SMARCA2: variants seen among roughly 807,000 people sequenced by gnomAD.
SMARCA2 encodes SWI/SNF related BAF chromatin remodeling complex subunit ATPase 2, also known as SWI/SNF-related matrix-associated actin-dependent regulator of chromatin subfamily A member 2.
Under a neutral mutation model 199.8 loss-of-function variants are expected in SMARCA2, and 61 were observed. The observed-to-expected ratio is 0.31, with a 90% CI of 0.25 to 0.38. The LOEUF (loss-of-function observed/expected upper bound fraction) is 0.38, where lower values mean the gene tolerates loss of function less well. SMARCA2 is among the 10% of genes least tolerant of loss of function. The pLI is 1.00. For synonymous variants in SMARCA2, 935 were observed against 732.0 expected, an observed-to-expected ratio of 1.28 and a Z score of -4.48; for missense variants, 1,344 against 2,012.2, an observed-to-expected ratio of 0.67 and a Z score of 6.35.
At chr9:2,146,035 G>A (rs1586752837) in intron 27 of SMARCA2, among the ~76,000 whole-genome samples, 2 of 152,154 alleles carry the variant, frequency 1.3e-5, no homozygotes, top group Admixed American at 6.5e-5. Flanking sequence ...CAGAATGTTC[G>A]CATAGCTGGG....
At chr9:2,162,873 C>T (rs958879741) in intron 28 of SMARCA2, 4 of 152,078 alleles carry the variant, frequency 2.6e-5, no homozygotes, top group Non-Finnish European at 4.4e-5. Context: ...ACATATTGTC[C>T]TCGGATAGAG....
chr9:2,179,636 G>T (rs1244747419), intron 29 of SMARCA2, among the ~76,000 whole-genome samples: 1 of 152,060 alleles, frequency 6.6e-6, no homozygotes, highest in Non-Finnish European at 1.5e-5. Context: ...TGCACTATCG[G>T]TCACAAACTG....
At position 2,181,735 on chromosome 9, in the gene SMARCA2, A is replaced by T. The variant is rs148154848; in HGVS notation, c.4359+59A>T. 550 of 934,502 alleles carry T rather than the reference A, an allele frequency of 5.9e-4. 2 individuals carry two copies. Among genetic ancestry groups the T allele is most frequent in the African/African-American group, 4.7e-3 (288 of 61,618 alleles). The allele number at this position is 934,502 out of a possible 1,614,324, so 57.9% of individuals were successfully genotyped here. A position where few individuals can be genotyped will look rare whatever the true frequency, so the allele number is the denominator to read the frequency against. ...GTAAATAAAGGAGCAGTGTAAAGTC[A>T]TTGAAATGGTTGTAGTTGGAGCTGA... is the stretch of plus-strand genomic sequence containing the variant. On this transcript the variant is annotated intron_variant, in intron 30 of 33. Coordinates refer to ENST00000349721, the MANE Select transcript of SMARCA2 (RefSeq NM_003070.5).
chr9:2,029,030 C>T lies in SMARCA2; in HGVS notation c.8C>T (p.Thr3Met), dbSNP rs1187602827. 7.7e-6 allele frequency: 12 copies of T among 1,549,584 alleles called. No homozygotes were observed. Among genetic ancestry groups the T allele is most frequent in the African/African-American group, 6.9e-5 (5 of 72,924 alleles). Residue 3 changes from threonine to methionine, a missense_variant, in exon 2 of 34, where the codon ACG becomes ATG. Around this residue, in one of 18 missense-constraint regions of SMARCA2, gnomAD observed 275 missense variants for 247.5 expected, o/e 1.11. Transcript: ENST00000349721. MS[T>M]PTDPGAMPHP... Reference sequence around the variant, plus strand: ...CAGAGACAGGAGAGGTAGATGTCCACGCCCACAGACCCTGGTGCGATGCCC... The same window carrying T: ...CAGAGACAGGAGAGGTAGATGTCCATGCCCACAGACCCTGGTGCGATGCCC...
Position 2,178,630 on chromosome 9 carries a change from A to T in SMARCA2, c.4254-2941A>T, listed in dbSNP as rs188886276. Among the ~76,000 whole-genome samples, 13 of 126,108 alleles carry T rather than the reference A, an allele frequency of 1.0e-4. No homozygotes were observed. The East Asian group carries it at 2.7e-3, about 26-fold the overall frequency. 82.7% of individuals were successfully genotyped at this position (126,108 alleles called of 152,430 possible). A position where few individuals can be genotyped will look rare whatever the true frequency, so the allele number is the denominator to read the frequency against. ...ACCACCACATTTCAAAAGGTGTATT[A>T]AAAAAAAGCCCTCGCTCAGCTCAAA... is the stretch of plus-strand genomic sequence containing the variant. On this transcript the variant is annotated intron_variant, in intron 29 of 33. Transcript: ENST00000349721.
intron 1 of SMARCA2, among the ~76,000 whole-genome samples, chr9:2,021,316 A>G (rs1586614913): frequency 6.6e-6 from 1 of 152,196 alleles, no homozygotes; most frequent in South Asian, 2.1e-4. Flanking sequence ...AACAAAAACA[A>G]CTAAACTCAG....
chr9:2,119,588 T>A lies in SMARCA2; in HGVS notation c.3762+53T>A. 1.6e-6 allele frequency: 2 copies of A among 1,250,948 alleles called. No individual in the cohort carries two copies. Among genetic ancestry groups the A allele is most frequent in the Non-Finnish European group, 2.3e-6 (2 of 853,846 alleles). The allele number at this position is 1,250,948 out of a possible 1,614,324, so 77.5% of individuals were successfully genotyped here. On this transcript the variant is annotated intron_variant, in intron 26 of 33. Coordinates refer to ENST00000349721, the MANE Select transcript of SMARCA2 (RefSeq NM_003070.5). This position sits in a 1 kb window ranked among gnomAD's most constrained non-coding sequence, Gnocchi z 4.6. ...AATGCTTTATACCTCTGCCCCTTTTTCTGTTAAGCAGAATGTCTGCAGCCT... is the reference window on the plus strand; with the variant it reads ...AATGCTTTATACCTCTGCCCCTTTTACTGTTAAGCAGAATGTCTGCAGCCT...
intron 27 of SMARCA2, among the ~76,000 whole-genome samples, chr9:2,133,197 C>G (rs1457313342): frequency 6.6e-6 from 1 of 152,172 alleles, no homozygotes; most frequent in Non-Finnish European, 1.5e-5. Context: ...CAAACTATTA[C>G]AGAGAAATCA....
At chr9:2,047,708 A>G (rs1819934153) in intron 5 of SMARCA2, 2 of 339,112 alleles carry the variant, frequency 5.9e-6, no homozygotes, top group African/African-American at 2.2e-5. Context: ...CGAGAGAGTG[A>G]TCATCTCACA....
intron 1 of SMARCA2, among the ~76,000 whole-genome samples, chr9:2,018,352 G>T (rs374021099): frequency 6.5e-4 from 94 of 145,554 alleles, no homozygotes; most frequent in African/African-American, 2.6e-3. Context: ...TTGCAAGGTT[G>T]TCTCTTTTTT....
intron 28 of SMARCA2, among the ~76,000 whole-genome samples, chr9:2,164,837 C>A (rs1273301494): frequency 6.6e-6 from 1 of 152,208 alleles, no homozygotes; most frequent in Non-Finnish European, 1.5e-5. Flanking sequence ...AAGACACATT[C>A]TATTAGCTCC....
chr9:2,138,701 G>A lies in SMARCA2; in HGVS notation c.3981+14764G>A, dbSNP rs73391474. Among the ~76,000 whole-genome samples the A allele has an allele frequency of 7.5e-3, 1,137 of 152,212 alleles. 15 individuals are homozygous for A. The highest frequency in any genetic ancestry group is 0.026 in the African/African-American group (1,092 of 41,514). ...CAACATCTTGGATAAATCACTTTAC[G>A]TCTCAGAGCTTCAGTTTCCCTGTCT... is the stretch of plus-strand genomic sequence containing the variant. On this transcript the variant is annotated intron_variant, in intron 27 of 33. Transcript: ENST00000349721.
chr9:2,189,192 A>ATATT (rs1283297059), intron 32 of SMARCA2, among the ~76,000 whole-genome samples: 2 of 152,162 alleles, frequency 1.3e-5, no homozygotes, highest in Non-Finnish European at 2.9e-5. Flanking sequence ...TGAGGAGATG[A>ATATT]TATTCTGTCC....
At chr9:2,027,291 A>T (rs1174733426) in intron 1 of SMARCA2, among the ~76,000 whole-genome samples, 1 of 151,884 alleles carries the variant, frequency 6.6e-6, no homozygotes, top group African/African-American at 2.4e-5. Flanking sequence ...AAGATAAAAA[A>T]AATTAGCTTG....
chr9:2,070,366 CTG>C, intron 9 of SMARCA2, 50 bp from the exon 10 acceptor site: 1 of 1,477,430 alleles, frequency 6.8e-7, no homozygotes, highest in Non-Finnish European at 9.5e-7. Context: ...CCAGGAAGTC[CTG>C]TACCCCATCA....
chr9:2,090,377 A>G (rs943615288), intron 19 of SMARCA2, among the ~76,000 whole-genome samples: 1 of 152,170 alleles, frequency 6.6e-6, no homozygotes, highest in South Asian at 2.1e-4. Context: ...AAAGGCAGCC[A>G]TGTTATCTTT....
At chr9:2,034,966 A>G (rs755578504) in intron 3 of SMARCA2, among the ~76,000 whole-genome samples, 3 of 152,160 alleles carry the variant, frequency 2.0e-5, no homozygotes, top group African/African-American at 7.2e-5. Flanking sequence ...CTTATCATTT[A>G]CATTTGAAGG....
Position 2,070,464 on chromosome 9 carries a change from A to G in SMARCA2, c.1739A>G (p.Asp580Gly), listed in dbSNP as rs1193741715. Residue 580 changes from aspartate (D) to glycine (G), a missense_variant, in exon 10 of 34, where the codon GAT becomes GGT. Asp to Gly is a moderately conservative substitution (Grantham distance 94). This residue lies in a region of SMARCA2 where 68 missense variants were observed against 70.4 expected (regional missense o/e 0.97). Coordinates refer to ENST00000349721, the MANE Select transcript of SMARCA2 (RefSeq NM_003070.5). ...GGTGGGGAGTCTGCCCTGGGACCGG[A>G]TGGAGAGGTAAGGGATCGTCATCCT... Reference protein sequence around the residue: ...AEGGESALGPDGEPIDESSQM... With the variant: ...AEGGESALGPGGEPIDESSQM... The G allele has an allele frequency of 6.2e-7, 1 of 1,613,050 alleles. No homozygotes were observed. Among genetic ancestry groups the G allele is most frequent in the Admixed American group, 1.7e-5 (1 of 59,998 alleles).
chr9:2,091,637 C>T (rs895767062), intron 19 of SMARCA2, among the ~76,000 whole-genome samples: 8 of 152,234 alleles, frequency 5.3e-5, no homozygotes, highest in East Asian at 1.9e-4. Flanking sequence ...ACTGGTTGAT[C>T]GAATGGTCAG....
Sources: allele counts gnomAD v4.1 joint callset (sites outside exome capture counted in the v4.1 genomes callset), GRCh38; gene constraint gnomAD v4.1.1; regional missense constraint gnomAD v4.1.1; non-coding constraint Gnocchi (gnomAD v3.1); transcripts MANE v1.5; gene names NCBI Gene and HGNC (gene_info 2026-07-23, HGNC 2026-07-21).